BCLAF1: variants seen among roughly 807,000 people sequenced by gnomAD.
The protein encoded by BCLAF1 is BCL2 associated transcription factor 1, also known as bcl-2-associated transcription factor 1.
In BCLAF1, 10 loss-of-function variants were observed where a neutral mutation model predicts 99.5. The observed-to-expected ratio is 0.10, with a 90% CI of 0.06 to 0.17. The LOEUF (loss-of-function observed/expected upper bound fraction) is 0.17. BCLAF1 is among the 10% of genes least tolerant of loss of function. BCLAF1 has a pLI of 1.00. For synonymous variants in BCLAF1, 255 were observed against 370.9 expected, an observed-to-expected ratio of 0.69 and a Z score of 3.59; for missense variants, 636 against 1,105.8, an observed-to-expected ratio of 0.58 and a Z score of 6.02.
At chr6:136,281,790 T>C (rs990323286) in intron 2 of BCLAF1, among the ~76,000 whole-genome samples, 4 of 152,366 alleles carry the variant, frequency 2.6e-5, no homozygotes, top group East Asian at 1.9e-4. Context: ...AGGAATTCTG[T>C]AGGCTTTTTC....
At position 136,258,093 on chromosome 6, in the gene BCLAF1, A is replaced by C. The variant is rs1277858433; in HGVS notation, c.*3017T>G. 1 of 152,134 alleles carries C rather than the reference A, an allele frequency of 6.6e-6. No individual in the cohort carries two copies. Among genetic ancestry groups the C allele is most frequent in the Non-Finnish European group, 1.5e-5 (1 of 67,944 alleles). The allele number at this position is 152,134 out of a possible 1,614,324, so 9.4% of individuals were successfully genotyped here. A position where few individuals can be genotyped will look rare whatever the true frequency, so the allele number is the denominator to read the frequency against. ...GAGTCAAAATGTGTCAGTTTGTCTTAGTACACAAATTTCTGTGAAAATGCT... is the reference window on the plus strand; with the variant it reads ...GAGTCAAAATGTGTCAGTTTGTCTTCGTACACAAATTTCTGTGAAAATGCT... On this transcript the variant is annotated 3_prime_UTR_variant, in exon 13 of 13. Transcript: ENST00000531224.
chr6:136,268,859 TTATC>T (rs1161258537), intron 9 of BCLAF1, among the ~76,000 whole-genome samples: 9 of 151,886 alleles, frequency 5.9e-5, no homozygotes, highest in Admixed American at 5.9e-4. Flanking sequence ...AGGAAAAAGA[TTATC>T]TATAATACTT....
rs1009551810 is a variant in BCLAF1, at chr6:136,256,888, T to C, written c.*4222A>G. ...GAGGGTGAGTGGTATTTTTTATTTATTGTTGCTCTTCGCATTCCATGAAAT... is the reference window on the plus strand; with the variant it reads ...GAGGGTGAGTGGTATTTTTTATTTACTGTTGCTCTTCGCATTCCATGAAAT... On this transcript the variant is annotated 3_prime_UTR_variant, in exon 13 of 13. Coordinates refer to ENST00000531224, the MANE Select transcript of BCLAF1 (RefSeq NM_014739.3). The C allele has an allele frequency of 2.0e-5, 3 of 152,192 alleles. No homozygotes were observed. The highest frequency in any genetic ancestry group is 7.2e-5 in the African/African-American group (3 of 41,442). The allele number at this position is 152,192 out of a possible 1,614,324, so 9.4% of individuals were successfully genotyped here. A position where few individuals can be genotyped will look rare whatever the true frequency, so the allele number is the denominator to read the frequency against.
At chr6:136,271,974 A>C in intron 8 of BCLAF1, 21 bp downstream of exon 8, 1 of 1,561,230 alleles carries the variant, frequency 6.4e-7, no homozygotes, top group East Asian at 2.3e-5. Context: ...ACACGAAAAA[A>C]AATTACATTC....
At chr6:136,274,126 T>C (rs1232380938) in intron 6 of BCLAF1, 5 of 1,288,856 alleles carry the variant, frequency 3.9e-6, no homozygotes, top group African/African-American at 1.5e-5. Context: ...ACTTTGCCTG[T>C]ATCTTTCAAC....
rs759488272 is a variant in BCLAF1 at position 136,275,692 on chromosome 6, G to A, written c.1692C>T (p.Ser564=). 2.5e-6 allele frequency: 4 copies of A among 1,583,350 alleles called. No homozygotes were observed. Among genetic ancestry groups the A allele is most frequent in the South Asian group, 2.4e-5 (2 of 84,842 alleles). ...VPLDDSNRPA[S]LTKDRLLAST... ...TAGCAAGCAGCCTGTCTTTAGTCAA[G>A]GAAGCAGGTCTGGAACATATTGATA... The change falls in exon 6 of 13, where the codon TCC becomes TCT. Residue 564 remains serine, a synonymous_variant. Transcript: ENST00000531224.
At chr6:136,261,797 T>C (rs1004345317) in intron 11 of BCLAF1, among the ~76,000 whole-genome samples, 8 of 152,238 alleles carry the variant, frequency 5.3e-5, no homozygotes, top group African/African-American at 1.9e-4. Flanking sequence ...TCAATCCAAG[T>C]CCACTTATTA....
At chr6:136,279,216 A>G (rs988501955) in intron 3 of BCLAF1, among the ~76,000 whole-genome samples, 2 of 152,160 alleles carry the variant, frequency 1.3e-5, no homozygotes, top group African/African-American at 4.8e-5. Context: ...TATAAAGTTA[A>G]GCCTGGTGGG....
rs1562220863 is a variant in BCLAF1, at chr6:136,257,978, TGA to T, written c.*3130_*3131del. ...TTATCCAGTATAATTAAGCTACCAATGATCTTACACAACACTTTACATGCATA... is the reference window on the plus strand; with the variant it reads ...TTATCCAGTATAATTAAGCTACCAATTCTTACACAACACTTTACATGCATA... On this transcript the variant is annotated 3_prime_UTR_variant, in exon 13 of 13. Transcript: ENST00000531224. 6 of 152,158 alleles carry T rather than the reference TGA, an allele frequency of 3.9e-5. No homozygotes were observed. Among genetic ancestry groups the T allele is most frequent in the African/African-American group, 1.4e-4 (6 of 41,476 alleles). 9.4% of individuals were successfully genotyped at this position (152,158 alleles called of 1,614,324 possible).
Position 136,273,435 on chromosome 6 carries a change from A to T in BCLAF1, c.1853-248T>A, listed in dbSNP as rs575953451. ...CCAAGAGCAATTAATAGATTAAATC[A>T]AGAGTCTCTAATTCCACTTCATTAA... On this transcript the variant is annotated intron_variant, in intron 6 of 12. Coordinates refer to ENST00000531224, the MANE Select transcript of BCLAF1 (RefSeq NM_014739.3). The T allele has an allele frequency of 5.3e-5, 20 of 380,742 alleles. No homozygotes were observed. The South Asian group carries it at 6.0e-4, about 11-fold the overall frequency. The allele number at this position is 380,742 out of a possible 1,614,324, so 23.6% of individuals were successfully genotyped here. A position where few individuals can be genotyped will look rare whatever the true frequency, so the allele number is the denominator to read the frequency against.
At chr6:136,269,718 T>C (rs1782247151) in intron 8 of BCLAF1, 106 bp from the exon 9 acceptor site, 2 of 809,444 alleles carry the variant, frequency 2.5e-6, no homozygotes, top group East Asian at 2.9e-5. Flanking sequence ...ACTGGCATTT[T>C]AGTATCAGAA....
intron 1 of BCLAF1, among the ~76,000 whole-genome samples, chr6:136,285,915 T>C (rs1003538769): frequency 1.6e-4 from 25 of 151,998 alleles, no homozygotes; most frequent in Admixed American, 6.6e-4. Flanking sequence ...CTGGCCAACA[T>C]GGTGAAACCC....
At chr6:136,264,173 A>G (rs1781409361) in intron 11 of BCLAF1, among the ~76,000 whole-genome samples, 1 of 152,184 alleles carries the variant, frequency 6.6e-6, no homozygotes, top group Admixed American at 6.5e-5. Context: ...CTAGCATAGT[A>G]CATGATGCTT....
chr6:136,269,035 C>A (rs1233687023), intron 9 of BCLAF1: 5 of 807,568 alleles, frequency 6.2e-6, no homozygotes, highest in South Asian at 2.9e-5. Flanking sequence ...TCCTCCCCCC[C>A]ATCTCTCCCA....
At position 136,260,362 on chromosome 6, in the gene BCLAF1, T is replaced by C. The variant is rs1003046030; in HGVS notation, c.*748A>G. ...CACAAATAGCTAATATCTAAGACCA[T>C]GACTCAAACTATCAAATAGGAATAG... On this transcript the variant is annotated 3_prime_UTR_variant, in exon 13 of 13. Coordinates refer to ENST00000531224, the MANE Select transcript of BCLAF1 (RefSeq NM_014739.3). The C allele has an allele frequency of 2.0e-5, 3 of 152,024 alleles. No individual in the cohort carries two copies. Among genetic ancestry groups the C allele is most frequent in the East Asian group, 1.9e-4 (1 of 5,200 alleles). 9.4% of individuals were successfully genotyped at this position (152,024 alleles called of 1,614,324 possible).
chr6:136,279,058 C>T (rs1784000231), intron 3 of BCLAF1, among the ~76,000 whole-genome samples: 1 of 151,054 alleles, frequency 6.6e-6, no homozygotes, highest in Admixed American at 6.6e-5. Flanking sequence ...TGCATTAGGA[C>T]ATATTAGCAA....
intron 2 of BCLAF1, among the ~76,000 whole-genome samples, chr6:136,281,044 A>G (rs955187356): frequency 6.6e-6 from 1 of 152,176 alleles, no homozygotes; most frequent in Non-Finnish European, 1.5e-5. Context: ...AGGTACTAAG[A>G]TGAGTTCAGT....
intron 11 of BCLAF1, among the ~76,000 whole-genome samples, chr6:136,262,778 C>A (rs1027882376): frequency 6.6e-6 from 1 of 152,180 alleles, no homozygotes; most frequent in Non-Finnish European, 1.5e-5. Flanking sequence ...TAATTTCATG[C>A]TCCCTTATCA....
In BCLAF1 at chr6:136,278,303, T is replaced by C. The variant is rs1371478175; in HGVS notation, c.578A>G (p.His193Arg). ...TTCATCGATAGACTCAGATGGGTCA[T>C]GTTCAAATGTATCTTTCGGTTCCTC... is the stretch of plus-strand genomic sequence containing the variant. ...SQEEPKDTFEHDPSESIDEFN... is the reference protein window; with the variant it reads ...SQEEPKDTFERDPSESIDEFN... The change falls in exon 4 of 13, where the codon CAT becomes CGT. Residue 193 changes from histidine to arginine, a missense_variant. Transcript: ENST00000531224. 1.2e-6 allele frequency: 2 copies of C among 1,614,056 alleles called. No individual in the cohort carries two copies. Among genetic ancestry groups the C allele is most frequent in the South Asian group, 1.1e-5 (1 of 91,092 alleles).
Sources: allele counts gnomAD v4.1 joint callset (sites outside exome capture counted in the v4.1 genomes callset), GRCh38; gene constraint gnomAD v4.1.1; transcripts MANE v1.5; gene names NCBI Gene and HGNC (gene_info 2026-07-23, HGNC 2026-07-21).